The following ROCK2 variants were observed in gnomAD, a reference collection of about 807,000 sequenced individuals.
ROCK2 encodes rho-associated protein kinase 2.
A neutral mutation model predicts 195.1 loss-of-function variants in ROCK2; 61 were observed. The observed-to-expected ratio is 0.31, with a 90% CI of 0.25 to 0.39. The LOEUF (loss-of-function observed/expected upper bound fraction) is 0.39. ROCK2 is among the 10% of genes least tolerant of loss of function. ROCK2 has a pLI of 1.00. For missense variants in ROCK2, 1,109 were observed against 1,637.4 expected (o/e 0.68, Z 5.57); for synonymous variants, 504 against 545.5 (o/e 0.92, Z 1.06).
In ROCK2 at chr2:11,208,414, A is replaced by G. The variant is rs1162283464; in HGVS notation, c.2237T>C (p.Leu746Ser). ...MEKKLLEERT[L>S]KQKVENLLLE... ...CAATAGGTTCTCCACTTTCTGTTTT[A>G]AAGTTCTTTCCTCCAAGAGCTTCTT... is the stretch of plus-strand genomic sequence containing the variant. Residue 746 changes from leucine to serine, a missense_variant, in exon 19 of 33, where the codon TTA becomes TCA. Leu to Ser is a moderately radical substitution (Grantham distance 145, BLOSUM62 -2). Coordinates refer to ENST00000315872, the MANE Select transcript of ROCK2 (RefSeq NM_004850.5). 1 of 1,534,962 alleles carries G rather than the reference A, an allele frequency of 6.5e-7. No individual in the cohort carries two copies. Among genetic ancestry groups the G allele is most frequent in the South Asian group, 1.3e-5 (1 of 76,910 alleles).
chr2:11,292,428 A>G (rs1311510746), intron 1 of ROCK2, among the ~76,000 whole-genome samples: 3 of 152,236 alleles, frequency 2.0e-5, no homozygotes, highest in African/African-American at 7.2e-5. Context: ...ACTGAAGCTT[A>G]AAGGTTAAAA....
chr2:11,219,122 G>A, intron 9 of ROCK2, 96 bp from the exon 10 acceptor site: 1 of 584,294 alleles, frequency 1.7e-6, no homozygotes, highest in Non-Finnish European at 3.0e-6. Flanking sequence ...ATCAAACACA[G>A]ATTTCTCTCT....
chr2:11,286,460 G>T, intron 3 of ROCK2, 79 bp downstream of exon 3: 1 of 876,040 alleles, frequency 1.1e-6, no homozygotes, highest in Non-Finnish European at 1.9e-6. Context: ...ATAGAAATTA[G>T]ATCTACTCAG....
intron 3 of ROCK2, among the ~76,000 whole-genome samples, chr2:11,283,180 A>G (rs1191000042): frequency 6.6e-6 from 1 of 150,416 alleles, no homozygotes; most frequent in Admixed American, 6.6e-5. Flanking sequence ...GGCAGGAAGA[A>G]TCACTGGAAC....
chr2:11,249,913 C>A, intron 3 of ROCK2, 115 bp from the exon 4 acceptor site: 1 of 833,128 alleles, frequency 1.2e-6, no homozygotes, highest in Non-Finnish European at 1.7e-6. Flanking sequence ...TGGTCCTTAG[C>A]TAATAAAAAG....
chr2:11,185,456 C>T (rs560174334), intron 32 of ROCK2, among the ~76,000 whole-genome samples: 143 of 152,302 alleles, frequency 9.4e-4, no homozygotes, highest in African/African-American at 3.2e-3. Context: ...TGGCCAGATG[C>T]GGTGGCTCAC....
At chr2:11,226,408 C>A (rs1489127204) in intron 6 of ROCK2, among the ~76,000 whole-genome samples, 1 of 152,110 alleles carries the variant, frequency 6.6e-6, no homozygotes, top group African/African-American at 2.4e-5. Flanking sequence ...ATATATTTAT[C>A]TTGATAATCA....
At chr2:11,333,496 G>A (rs552889362) in intron 1 of ROCK2, among the ~76,000 whole-genome samples, 4 of 151,658 alleles carry the variant, frequency 2.6e-5, no homozygotes, top group African/African-American at 9.7e-5. Context: ...ATGGTCCAGA[G>A]AACACACAAA....
At chr2:11,327,498 G>A (rs938606125) in intron 1 of ROCK2, among the ~76,000 whole-genome samples, 4 of 152,220 alleles carry the variant, frequency 2.6e-5, no homozygotes, top group African/African-American at 9.7e-5. Flanking sequence ...CACCACGAAT[G>A]GTGGCAAAGC....
intron 18 of ROCK2, among the ~76,000 whole-genome samples, chr2:11,210,999 A>C (rs1202054326): frequency 6.6e-6 from 1 of 152,204 alleles, no homozygotes; most frequent in Non-Finnish European, 1.5e-5. Context: ...CAAGAGTTTT[A>C]AGCCTTTCAC....
At chr2:11,279,475 G>A (rs761652643) in intron 3 of ROCK2, among the ~76,000 whole-genome samples, 2 of 152,136 alleles carry the variant, frequency 1.3e-5, no homozygotes, top group Non-Finnish European at 2.9e-5. Context: ...TCTCCAAGAG[G>A]ACATAACAAT....
intron 1 of ROCK2, among the ~76,000 whole-genome samples, chr2:11,292,238 C>T (rs1667384541): frequency 6.6e-6 from 1 of 152,092 alleles, no homozygotes; most frequent in Non-Finnish European, 1.5e-5. Flanking sequence ...TCTTTACAGC[C>T]TACCTACCAA....
chr2:11,217,373 T>A (rs1241046509), intron 11 of ROCK2: 1 of 662,920 alleles, frequency 1.5e-6, no homozygotes, highest in East Asian at 3.0e-5. Context: ...AGAGTACACA[T>A]GTATATATGA....
At chr2:11,227,122 A>C in intron 6 of ROCK2, 132 bp downstream of exon 6, 1 of 783,362 alleles carries the variant, frequency 1.3e-6, no homozygotes, top group Non-Finnish European at 2.0e-6. Context: ...AGATACTACT[A>C]ATTCAAAGTT....
chr2:11,329,713 T>C (rs1031239870), intron 1 of ROCK2, among the ~76,000 whole-genome samples: 2 of 130,650 alleles, frequency 1.5e-5, no homozygotes, highest in Admixed American at 1.5e-4. Context: ...AAAAAAAAAA[T>C]TGCTTGCAGC....
chr2:11,208,004 T>C, intron 19 of ROCK2, 94 bp from the exon 20 acceptor site: 1 of 927,444 alleles, frequency 1.1e-6, no homozygotes, highest in Non-Finnish European at 1.5e-6. Flanking sequence ...GTAAAACAGA[T>C]TTTTTTACCC....
At chr2:11,295,964 A>G (rs1056073609) in intron 1 of ROCK2, among the ~76,000 whole-genome samples, 2 of 85,390 alleles carry the variant, frequency 2.3e-5, no homozygotes, top group African/African-American at 7.2e-5. Flanking sequence ...CTCAAAAAAC[A>G]AAAGAGAGAG....
chr2:11,224,607 C>G (rs1319668165), intron 6 of ROCK2, 147 bp from the exon 7 acceptor site: 1 of 682,076 alleles, frequency 1.5e-6, no homozygotes, highest in Non-Finnish European at 2.5e-6. Flanking sequence ...GTCAAAACAA[C>G]AGACATATTG....
Position 11,224,399 on chromosome 2 carries a change from C to A in ROCK2, c.930G>T (p.Lys310Asn), listed in dbSNP as rs771483620. Residue 310 changes from lysine (K) to asparagine (N), a missense_variant, in exon 7 of 33, where the codon AAG becomes AAT. Coordinates refer to ENST00000315872, the MANE Select transcript of ROCK2 (RefSeq NM_004850.5). ...VGTYSKIMDH[K>N]NSLCFPEDAE... ...CATCTTCAGGGAAACACAGTGAATTCTTATGATCCATAATTTTGCTATATG... is the reference window on the plus strand; with the variant it reads ...CATCTTCAGGGAAACACAGTGAATTATTATGATCCATAATTTTGCTATATG... The A allele has an allele frequency of 1.1e-4, 170 of 1,613,018 alleles. No individual in the cohort carries two copies. In the East Asian group the frequency reaches 3.7e-3, roughly 36 times the overall value.
Sources: gnomAD v4.1 joint callset for allele counts (sites outside exome capture counted in the v4.1 genomes callset) on GRCh38, gnomAD v4.1.1 for gene constraint, MANE v1.5 for transcripts, NCBI Gene and HGNC (gene_info 2026-07-23, HGNC 2026-07-21) for gene names.